ACOXL: variants seen among roughly 807,000 people sequenced by gnomAD.
ACOXL encodes the protein acyl-coenzyme A oxidase-like protein.
Under a neutral mutation model 71.9 loss-of-function variants are expected in ACOXL, and 70 were observed. The ratio of observed to expected loss-of-function variants is 0.97; its 90% CI spans 0.80 to 1.19. The LOEUF is 1.19. Among genes scored for constraint, ACOXL ranks in the 50% most tolerant of loss-of-function variants. The pLI, the probability that ACOXL is intolerant of heterozygous loss-of-function variation, is 0.00. For missense variants in ACOXL, 703 were observed against 736.3 expected (o/e 0.95, Z 0.52); for synonymous variants, 253 against 281.6 (o/e 0.90, Z 1.02).
At chr2:110,957,558 T>G (rs985011673) in intron 12 of ACOXL, among the ~76,000 whole-genome samples, 1 of 152,230 alleles carries the variant, frequency 6.6e-6, no homozygotes, top group African/African-American at 2.4e-5. Context: ...GCTCTCATCC[T>G]GACTTGTCGA....
chr2:110,922,334 T>G (rs2060108872), intron 11 of ACOXL, among the ~76,000 whole-genome samples: 1 of 152,230 alleles, frequency 6.6e-6, no homozygotes, highest in Non-Finnish European at 1.5e-5. Flanking sequence ...TGGATCAAAA[T>G]AACTTGATGA....
At chr2:110,948,561 C>G (rs566919765) in intron 12 of ACOXL, among the ~76,000 whole-genome samples, 1 of 152,124 alleles carries the variant, frequency 6.6e-6, no homozygotes, top group African/African-American at 2.4e-5. Flanking sequence ...TACTCCACTC[C>G]TGAAGGAGCC....
chr2:110,985,394 C>T lies in ACOXL; in HGVS notation c.1060-1714C>T, dbSNP rs1348537810. On this transcript the variant is annotated intron_variant, in intron 12 of 17. Transcript: ENST00000439055. ...CCCTTTACTAACCTGAATGAAATCA[C>T]GGATCACATAACCTATCTAGAGACG... 3.3e-5 allele frequency among the ~76,000 whole-genome samples: 5 copies of T among 152,098 alleles called. 1 individual carries two copies. Among genetic ancestry groups the T allele is most frequent in the South Asian group, 4.2e-4 (2 of 4,806 alleles).
chr2:110,902,405 G>T (rs72944219), intron 10 of ACOXL, among the ~76,000 whole-genome samples: 6,127 of 152,264 alleles, frequency 0.04, 214 homozygotes, highest in African/African-American at 0.081. Context: ...AGGAGATGGA[G>T]GTTGCCATGT....
intron 17 of ACOXL, among the ~76,000 whole-genome samples, chr2:111,116,578 G>A (rs1489635835): frequency 6.6e-6 from 1 of 152,066 alleles, no homozygotes; most frequent in Non-Finnish European, 1.5e-5. Context: ...GCTCAGACAT[G>A]ACCACCATGT....
intron 10 of ACOXL, among the ~76,000 whole-genome samples, chr2:110,870,493 A>G (rs972999309): frequency 2.6e-5 from 4 of 152,182 alleles, no homozygotes; most frequent in Non-Finnish European, 5.9e-5. Flanking sequence ...TGTTGTGACA[A>G]ACCTTCTAGG....
intron 1 of ACOXL, among the ~76,000 whole-genome samples, chr2:110,765,411 T>C (rs1680923544): frequency 6.6e-6 from 1 of 152,176 alleles, no homozygotes; most frequent in Non-Finnish European, 1.5e-5. Context: ...AAACTGAAGA[T>C]ATGCATGTTG....
At chr2:110,988,690 C>CA (rs1340995334) in intron 13 of ACOXL, among the ~76,000 whole-genome samples, 1 of 152,140 alleles carries the variant, frequency 6.6e-6, no homozygotes, top group Admixed American at 6.5e-5. Flanking sequence ...TTGGTACTAT[C>CA]AGACTTCTTA....
chr2:110,776,142 G>A (rs1333834358), intron 2 of ACOXL, among the ~76,000 whole-genome samples: 2 of 152,226 alleles, frequency 1.3e-5, no homozygotes, highest in South Asian at 2.1e-4. Flanking sequence ...CCTGGAAGAC[G>A]TTATGCTGAG....
intron 10 of ACOXL, chr2:110,886,856 T>C: frequency 6.4e-7 from 1 of 1,550,896 alleles, no homozygotes; most frequent in African/African-American, 1.4e-5. Context: ...ACCAGGCTAA[T>C]TTCCTGAAAA....
chr2:111,018,666 AG>A (rs1430372920), intron 14 of ACOXL, among the ~76,000 whole-genome samples: 1 of 151,880 alleles, frequency 6.6e-6, no homozygotes, highest in Admixed American at 6.6e-5. Context: ...AGGGCCCAGA[AG>A]AGTGAGGATG....
chr2:111,029,484 G>T (rs1052333385), intron 14 of ACOXL, among the ~76,000 whole-genome samples: 2 of 152,244 alleles, frequency 1.3e-5, no homozygotes, highest in Non-Finnish European at 2.9e-5. Flanking sequence ...AGAATGGTGT[G>T]TAGAGCCTAT....
intron 17 of ACOXL, among the ~76,000 whole-genome samples, chr2:111,094,736 T>G (rs959556018): frequency 1.3e-4 from 20 of 152,216 alleles, no homozygotes; most frequent in African/African-American, 4.8e-4. Flanking sequence ...TCATTTCTCA[T>G]GATTTTGCAT....
intron 14 of ACOXL, among the ~76,000 whole-genome samples, chr2:110,998,155 G>T (rs1490495576): frequency 6.6e-6 from 1 of 152,056 alleles, no homozygotes; most frequent in African/African-American, 2.4e-5. Context: ...AATTTTTAAG[G>T]TAAGATGAAA....
intron 17 of ACOXL, among the ~76,000 whole-genome samples, chr2:111,111,622 A>G (rs1308343518): frequency 6.6e-6 from 1 of 152,190 alleles, no homozygotes; most frequent in Non-Finnish European, 1.5e-5. Context: ...TCCTCTTATG[A>G]ATCAGTAGCA....
chr2:110,889,992 C>T (rs368584002), intron 10 of ACOXL, among the ~76,000 whole-genome samples: 3 of 152,156 alleles, frequency 2.0e-5, no homozygotes, highest in Non-Finnish European at 2.9e-5. Flanking sequence ...CCTTTTATAA[C>T]CATTCTAATG....
intron 3 of ACOXL, among the ~76,000 whole-genome samples, chr2:110,791,503 G>C (rs1684645897): frequency 6.6e-6 from 1 of 152,190 alleles, no homozygotes; most frequent in Non-Finnish European, 1.5e-5. Flanking sequence ...AGATGGTTTA[G>C]GGAAAAAACA....
chr2:110,931,568 G>C (rs2060480038), intron 11 of ACOXL, among the ~76,000 whole-genome samples: 1 of 152,160 alleles, frequency 6.6e-6, no homozygotes, highest in African/African-American at 2.4e-5. Context: ...TTTAGGAATA[G>C]AGAGCCCTGG....
intron 15 of ACOXL, among the ~76,000 whole-genome samples, chr2:111,039,728 T>G (rs6713744): frequency 0.3 from 45,922 of 152,088 alleles, 7,024 homozygotes; most frequent in Middle Eastern, 0.34. Context: ...GAAAATAAGA[T>G]AATTCTCGTA....
Sources: allele counts gnomAD v4.1 joint callset (sites outside exome capture counted in the v4.1 genomes callset), GRCh38; gene constraint gnomAD v4.1.1; transcripts MANE v1.5; gene names NCBI Gene and HGNC (gene_info 2026-07-23, HGNC 2026-07-21).